The following CNTNAP2 variants were observed in gnomAD, a reference collection of about 807,000 sequenced individuals.
The protein encoded by CNTNAP2 is contactin-associated protein-like 2.
Under a neutral mutation model 155.2 loss-of-function variants are expected in CNTNAP2, and 98 were observed. That is an observed-to-expected ratio of 0.63 (90% CI 0.54 to 0.75). The LOEUF (loss-of-function observed/expected upper bound fraction) is 0.75, where lower values mean the gene tolerates loss of function less well. Among genes scored for constraint, CNTNAP2 ranks in the 30% least tolerant of loss-of-function variants. The pLI, the probability that CNTNAP2 is intolerant of heterozygous loss-of-function variation, is 0.00. For missense variants in CNTNAP2, 1,727 were observed against 1,688.1 expected (o/e 1.02, Z -0.40); for synonymous variants, 651 against 631.2 (o/e 1.03, Z -0.47).
At chr7:146,770,333 C>CAA (rs1001513002) in intron 1 of CNTNAP2, among the ~76,000 whole-genome samples, 1 of 151,248 alleles carries the variant, frequency 6.6e-6, no homozygotes, top group African/African-American at 2.4e-5. Context: ...CACACACACA[C>CAA]ACACACACAC....
At chr7:148,292,464 T>C (rs747331397) in intron 21 of CNTNAP2, among the ~76,000 whole-genome samples, 5 of 152,200 alleles carry the variant, frequency 3.3e-5, no homozygotes, top group Admixed American at 6.5e-5. Context: ...TGATTAAAAA[T>C]GTTTGTAGTG....
intron 2 of CNTNAP2, among the ~76,000 whole-genome samples, chr7:146,815,814 G>C (rs550213449): frequency 6.6e-6 from 1 of 152,062 alleles, no homozygotes; most frequent in Non-Finnish European, 1.5e-5. Flanking sequence ...CAACGTGCAG[G>C]TTTGTTACAT....
intron 20 of CNTNAP2, among the ~76,000 whole-genome samples, chr7:148,241,788 C>A (rs969873265): frequency 6.6e-6 from 1 of 152,232 alleles, no homozygotes; most frequent in Non-Finnish European, 1.5e-5. Context: ...ATGAATATGT[C>A]AACACTTCCA....
intron 18 of CNTNAP2, among the ~76,000 whole-genome samples, chr7:148,200,304 A>G (rs1246679999): frequency 6.6e-6 from 1 of 152,258 alleles, no homozygotes; most frequent in Non-Finnish European, 1.5e-5. Flanking sequence ...AATACAACAT[A>G]TTATTAAAAT....
intron 11 of CNTNAP2, among the ~76,000 whole-genome samples, chr7:147,548,821 T>C (rs1326749113): frequency 1.3e-5 from 2 of 152,214 alleles, no homozygotes; most frequent in African/African-American, 4.8e-5. Context: ...GTTTTCTGCA[T>C]ATGGCTAGCC....
chr7:147,871,782 G>A (rs188764583), intron 13 of CNTNAP2, among the ~76,000 whole-genome samples: 22 of 151,292 alleles, frequency 1.5e-4, no homozygotes, highest in Admixed American at 3.3e-4. Flanking sequence ...TATGTGAGTC[G>A]TGGCCGAATA....
intron 12 of CNTNAP2, among the ~76,000 whole-genome samples, chr7:147,589,289 C>T (rs912067574): frequency 2.0e-5 from 3 of 152,156 alleles, no homozygotes; most frequent in African/African-American, 4.8e-5. Flanking sequence ...CCTAACTGAC[C>T]TTTGCATGCA....
chr7:147,001,013 G>A (rs1226480101), intron 3 of CNTNAP2, among the ~76,000 whole-genome samples: 2 of 152,022 alleles, frequency 1.3e-5, no homozygotes, highest in Non-Finnish European at 2.9e-5. Context: ...TTACTGTGGT[G>A]GGCCTGGTAT....
At chr7:146,580,021 C>T (rs934923557) in intron 1 of CNTNAP2, among the ~76,000 whole-genome samples, 5 of 152,134 alleles carry the variant, frequency 3.3e-5, no homozygotes, top group African/African-American at 7.2e-5. Flanking sequence ...CCCAAACACA[C>T]TCTTTCCCCT....
At chr7:146,222,955 G>A (rs548539311) in intron 1 of CNTNAP2, among the ~76,000 whole-genome samples, 3 of 152,142 alleles carry the variant, frequency 2.0e-5, no homozygotes, top group South Asian at 4.1e-4. Flanking sequence ...CACCGCACCT[G>A]GCCAGGAAAA....
chr7:147,699,598 A>ATAAG, intron 13 of CNTNAP2, among the ~76,000 whole-genome samples: 1 of 151,972 alleles, frequency 6.6e-6, no homozygotes, highest in Non-Finnish European at 1.5e-5. Flanking sequence ...TTAAAATATA[A>ATAAG]TAAATAAATA....
intron 11 of CNTNAP2, among the ~76,000 whole-genome samples, chr7:147,545,700 C>T (rs1799717130): frequency 6.6e-6 from 1 of 152,156 alleles, no homozygotes. Flanking sequence ...ATGCTGCCAG[C>T]AAGCCAGCCC....
chr7:147,507,462 CTT>C (rs772574953), intron 11 of CNTNAP2, among the ~76,000 whole-genome samples: 8 of 150,734 alleles, frequency 5.3e-5, no homozygotes, highest in African/African-American at 1.7e-4. Flanking sequence ...TGGATCGACT[CTT>C]GTCAGTTACT....
At chr7:146,693,804 G>A (rs1213264257) in intron 1 of CNTNAP2, among the ~76,000 whole-genome samples, 1 of 152,006 alleles carries the variant, frequency 6.6e-6, no homozygotes, top group African/African-American at 2.4e-5. Flanking sequence ...GTGCCATGGT[G>A]GTTTGTAGCA....
intron 8 of CNTNAP2, among the ~76,000 whole-genome samples, chr7:147,204,442 T>C (rs1186368771): frequency 6.6e-6 from 1 of 152,094 alleles, no homozygotes; most frequent in Non-Finnish European, 1.5e-5. Flanking sequence ...TGTGTGTCTA[T>C]AAATAAACTG....
intron 13 of CNTNAP2, among the ~76,000 whole-genome samples, chr7:147,703,135 C>G (rs1796261573): frequency 6.6e-6 from 1 of 152,048 alleles, no homozygotes; most frequent in Admixed American, 6.6e-5. Flanking sequence ...TTTCCTGAAC[C>G]CTTCTCCATA....
chr7:147,482,878 T>G (rs1025309610), intron 10 of CNTNAP2, among the ~76,000 whole-genome samples: 1 of 151,750 alleles, frequency 6.6e-6, no homozygotes, highest in African/African-American at 2.4e-5. Flanking sequence ...AAACCCTGTC[T>G]CTAATAAAAA....
At chr7:146,735,791 A>T (rs1343502206) in intron 1 of CNTNAP2, among the ~76,000 whole-genome samples, 2 of 144,266 alleles carry the variant, frequency 1.4e-5, no homozygotes, top group Non-Finnish European at 1.5e-5. Flanking sequence ...TGGTTAACAG[A>T]CGTAAAATTT....
intron 1 of CNTNAP2, among the ~76,000 whole-genome samples, chr7:146,589,775 A>G (rs1392511766): frequency 6.6e-6 from 1 of 151,954 alleles, no homozygotes. Flanking sequence ...ATATAATGGA[A>G]TGTTGCAATG....
Sources: gnomAD v4.1 joint callset for allele counts (sites outside exome capture counted in the v4.1 genomes callset) on GRCh38, gnomAD v4.1.1 for gene constraint, MANE v1.5 for transcripts, NCBI Gene and HGNC (gene_info 2026-07-23, HGNC 2026-07-21) for gene names.